The following CDC14A variants were observed in gnomAD, a reference collection of about 807,000 sequenced individuals.
CDC14A encodes cell division cycle 14A.
A neutral mutation model predicts 74.4 loss-of-function variants in CDC14A; 53 were observed. That is an observed-to-expected ratio of 0.71 (90% confidence interval 0.57 to 0.89). The LOEUF (loss-of-function observed/expected upper bound fraction) is 0.89. Among genes scored for constraint, CDC14A ranks in the 40% least tolerant of loss-of-function variants. CDC14A has a pLI of 0.00. For missense variants in CDC14A, 646 were observed against 713.7 expected (o/e 0.91, Z 1.08); for synonymous variants, 247 against 258.4 (o/e 0.96, Z 0.43).
intron 15 of CDC14A, among the ~76,000 whole-genome samples, chr1:100,511,984 C>T (rs1272230646): frequency 6.6e-6 from 1 of 152,016 alleles, no homozygotes; most frequent in Non-Finnish European, 1.5e-5. Context: ...CTGTGTGCCT[C>T]CCTGCCAGCC....
intron 11 of CDC14A, among the ~76,000 whole-genome samples, chr1:100,492,283 A>G (rs1670782497): frequency 6.6e-6 from 1 of 152,246 alleles, no homozygotes; most frequent in Admixed American, 6.5e-5. Flanking sequence ...AAAAATATCA[A>G]CAAGCGTTGA....
chr1:100,423,499 C>A lies in CDC14A; in HGVS notation c.310-723C>A, dbSNP rs1462307501. ...TGTCTTTGCCCCACAAGCATAAATT[C>A]TATTAAGGGAGGTGCCAGTACCTGA... On this transcript the variant is annotated intron_variant, in intron 4 of 15. Transcript: ENST00000336454. Among the ~76,000 whole-genome samples the A allele has an allele frequency of 5.3e-5, 8 of 152,128 alleles. No homozygotes were observed. The East Asian group carries it at 1.5e-3, about 29-fold the overall frequency.
chr1:100,414,370 T>G (rs556262179), intron 4 of CDC14A, among the ~76,000 whole-genome samples: 1 of 152,286 alleles, frequency 6.6e-6, no homozygotes, highest in Non-Finnish European at 1.5e-5. Flanking sequence ...GATAAATGTT[T>G]GGAGTATAAT....
intron 1 of CDC14A, among the ~76,000 whole-genome samples, chr1:100,345,681 T>C (rs1650349438): frequency 6.6e-6 from 1 of 152,230 alleles, no homozygotes; most frequent in Non-Finnish European, 1.5e-5. Context: ...ATACTGAGCA[T>C]GTATTTTGTG....
chr1:100,388,957 T>C (rs955813201), intron 3 of CDC14A, among the ~76,000 whole-genome samples: 6 of 152,100 alleles, frequency 3.9e-5, no homozygotes, highest in African/African-American at 7.2e-5. Context: ...GGTGGATCAC[T>C]TAAGCCCAGG....
At chr1:100,419,797 C>A (rs1662032967) in intron 4 of CDC14A, among the ~76,000 whole-genome samples, 1 of 151,872 alleles carries the variant, frequency 6.6e-6, no homozygotes, top group Non-Finnish European at 1.5e-5. Context: ...AGCTATCGTG[C>A]CAATGTTCCA....
At chr1:100,406,909 A>C (rs1386980241) in intron 4 of CDC14A, among the ~76,000 whole-genome samples, 2 of 151,722 alleles carry the variant, frequency 1.3e-5, no homozygotes, top group Non-Finnish European at 2.9e-5. Flanking sequence ...CTGGGCAACA[A>C]GAGCGAAACT....
chr1:100,502,864 T>C (rs59695311), intron 15 of CDC14A, among the ~76,000 whole-genome samples: 5,714 of 152,296 alleles, frequency 0.038, 342 homozygotes, highest in African/African-American at 0.13. Context: ...GATTTTTAAA[T>C]AATTCAATTT....
intron 15 of CDC14A, among the ~76,000 whole-genome samples, chr1:100,507,212 CCTTT>C (rs1320381711): frequency 1.3e-5 from 2 of 152,094 alleles, no homozygotes; most frequent in African/African-American, 4.8e-5. Flanking sequence ...TTTTTCTGGT[CCTTT>C]CTATTTTTGC....
chr1:100,421,373 G>A (rs1283073943), intron 4 of CDC14A, among the ~76,000 whole-genome samples: 1 of 152,148 alleles, frequency 6.6e-6, no homozygotes, highest in East Asian at 1.9e-4. Flanking sequence ...AAATTTTCGA[G>A]CATTAAATAT....
chr1:100,346,874 G>A (rs973992586), intron 1 of CDC14A, among the ~76,000 whole-genome samples: 2 of 152,064 alleles, frequency 1.3e-5, no homozygotes, highest in African/African-American at 4.8e-5. Flanking sequence ...TTTACTTAAT[G>A]TTCACTATAC....
rs1367221521 is a variant in CDC14A at position 100,462,787 on chromosome 1, C to T, written c.744C>T (p.Phe248=). Residue 248 remains phenylalanine (F), a synonymous_variant, in exon 9 of 16, where the codon TTC becomes TTT. Coordinates refer to ENST00000336454, the MANE Select transcript of CDC14A (RefSeq NM_003672.4). ...TDAGFEHYDL[F]FIDGSTPSDN... ...CTGGCTTCGAGCACTATGACCTCTT[C>T]TTCATAGATGGCAGCACACCCAGTG... 1 of 1,614,120 alleles carries T rather than the reference C, an allele frequency of 6.2e-7. No homozygotes were observed. Among genetic ancestry groups the T allele is most frequent in the Admixed American group, 1.7e-5 (1 of 60,020 alleles).
At chr1:100,443,573 G>A (rs1665200017) in intron 7 of CDC14A, among the ~76,000 whole-genome samples, 1 of 151,746 alleles carries the variant, frequency 6.6e-6, no homozygotes, top group Non-Finnish European at 1.5e-5. Flanking sequence ...GAGCTCAAGT[G>A]ATCCTCTTGC....
intron 15 of CDC14A, among the ~76,000 whole-genome samples, chr1:100,511,573 C>A (rs1226398866): frequency 6.6e-6 from 1 of 152,168 alleles, no homozygotes; most frequent in Non-Finnish European, 1.5e-5. Flanking sequence ...AGGTTCCTTC[C>A]ATTGCCAGCT....
chr1:100,360,634 C>T (rs780059046), intron 2 of CDC14A, among the ~76,000 whole-genome samples: 16 of 151,952 alleles, frequency 1.1e-4, no homozygotes, highest in Non-Finnish European at 1.8e-4. Context: ...TGTGAGCCAC[C>T]GTGCCTGGCC....
intron 15 of CDC14A, among the ~76,000 whole-genome samples, chr1:100,517,540 G>A (rs1225052873): frequency 6.6e-6 from 1 of 152,090 alleles, no homozygotes; most frequent in Admixed American, 6.6e-5. Flanking sequence ...CCTGGTTTAT[G>A]TCTGTTGTCC....
chr1:100,393,094 AT>A (rs1657937029), intron 4 of CDC14A: 1 of 1,444,760 alleles, frequency 6.9e-7, no homozygotes, highest in Non-Finnish European at 9.7e-7. Context: ...AATTTGATAG[AT>A]TTCATTTTCT....
At chr1:100,411,762 T>C (rs1660744578) in intron 4 of CDC14A, among the ~76,000 whole-genome samples, 1 of 152,172 alleles carries the variant, frequency 6.6e-6, no homozygotes, top group Non-Finnish European at 1.5e-5. Context: ...TCTAAGGATA[T>C]GGTAATGGAC....
At chr1:100,346,198 A>G (rs1440529030) in intron 1 of CDC14A, among the ~76,000 whole-genome samples, 1 of 151,928 alleles carries the variant, frequency 6.6e-6, no homozygotes, top group Non-Finnish European at 1.5e-5. Context: ...AAAACAAAAC[A>G]AAAAAAACCT....
Sources: gnomAD v4.1 joint callset for allele counts (sites outside exome capture counted in the v4.1 genomes callset) on GRCh38, gnomAD v4.1.1 for gene constraint, MANE v1.5 for transcripts, NCBI Gene and HGNC (gene_info 2026-07-23, HGNC 2026-07-21) for gene names.